Variants in CDYL observed in about 807,000 individuals in gnomAD.
CDYL encodes the protein chromodomain Y-like protein.
Under a neutral mutation model 47.3 loss-of-function variants are expected in CDYL, and 8 were observed. That is an observed-to-expected ratio of 0.17 (90% CI 0.10 to 0.31). The LOEUF (loss-of-function observed/expected upper bound fraction) is 0.31. Ranked by LOEUF, CDYL falls within the 10% of genes least tolerant of loss-of-function variation. The pLI, the probability that CDYL is intolerant of heterozygous loss-of-function variation, is 1.00. For synonymous variants in CDYL, 266 were observed against 265.0 expected, an observed-to-expected ratio of 1.00 and a Z score of -0.04; for missense variants, 471 against 701.4, an observed-to-expected ratio of 0.67 and a Z score of 3.71.
At chr6:4,784,650 G>T (rs1210407073) in intron 1 of CDYL, among the ~76,000 whole-genome samples, 1 of 152,160 alleles carries the variant, frequency 6.6e-6, no homozygotes, top group African/African-American at 2.4e-5. Context: ...TGATACTTTG[G>T]TCTTACGATG....
intron 3 of CDYL, among the ~76,000 whole-genome samples, chr6:4,745,077 G>T (rs538960902): frequency 6.6e-6 from 1 of 152,232 alleles, no homozygotes; most frequent in South Asian, 2.1e-4. Context: ...CAATCCTCCT[G>T]CCTCAGCCTC....
In CDYL at chr6:4,735,674, G is replaced by C. The variant is rs191707045; in HGVS notation, c.186+830G>C. ...CCAACTACTCAGGAGGCTGAGGTGGGAGAATCACTTGAACCCAGGAGGTGG... is the reference window on the plus strand; with the variant it reads ...CCAACTACTCAGGAGGCTGAGGTGGCAGAATCACTTGAACCCAGGAGGTGG... On this transcript the variant is annotated intron_variant, in intron 3 of 8. Coordinates refer to the CDYL transcript ENST00000328908. 4.7e-3 allele frequency among the ~76,000 whole-genome samples: 714 copies of C among 152,208 alleles called. 5 individuals carry two copies. Among genetic ancestry groups the C allele is most frequent in the Non-Finnish European group, 7.3e-3 (496 of 67,998 alleles).
intron 2 of CDYL, among the ~76,000 whole-genome samples, chr6:4,722,953 G>C (rs1757399567): frequency 6.6e-6 from 1 of 152,110 alleles, no homozygotes; most frequent in African/African-American, 2.4e-5. Flanking sequence ...CCTAGCATAA[G>C]CAATCTTTGA....
intron 1 of CDYL, among the ~76,000 whole-genome samples, chr6:4,874,298 C>T (rs1003847482): frequency 6.6e-6 from 1 of 151,996 alleles, no homozygotes; most frequent in East Asian, 1.9e-4. Context: ...TTATTTACAG[C>T]TTGTCAGTTT....
chr6:4,932,878 A>G (rs542677541), intron 2 of CDYL, among the ~76,000 whole-genome samples: 5 of 152,028 alleles, frequency 3.3e-5, no homozygotes, highest in Admixed American at 3.3e-4. Context: ...GTGTGTTTTT[A>G]TTGATCGATT....
intron 1 of CDYL, among the ~76,000 whole-genome samples, chr6:4,837,979 T>C (rs747671677): frequency 6.6e-6 from 1 of 151,560 alleles, no homozygotes; most frequent in African/African-American, 2.4e-5. Flanking sequence ...GGTTTTGCCA[T>C]GTTACCCAGG....
At chr6:4,837,368 A>G (rs987101804) in intron 1 of CDYL, among the ~76,000 whole-genome samples, 1 of 152,196 alleles carries the variant, frequency 6.6e-6, no homozygotes. Context: ...TATTAAAAAA[A>G]TTTTCAAAAA....
chr6:4,935,555 A>G lies in CDYL; in HGVS notation c.732A>G (p.Thr244=), dbSNP rs376359196. ...TGGATGCATTAACAGCCAATGGGAC[A>G]ACCAACATACAGACATCTGTTACAG... The part of the protein sequence containing the change: ...PFMDALTANG[T]TNIQTSVTGV... Residue 244 remains threonine (T), a synonymous_variant, in exon 3 of 7, where the codon ACA becomes ACG. Coordinates refer to ENST00000397588, the MANE Select transcript of CDYL (RefSeq NM_004824.4). 4 of 1,614,124 alleles carry G rather than the reference A, an allele frequency of 2.5e-6. No individual in the cohort carries two copies. Among genetic ancestry groups the G allele is most frequent in the Non-Finnish European group, 3.4e-6 (4 of 1,180,052 alleles).
At chr6:4,901,296 C>A (rs1757047558) in intron 2 of CDYL, among the ~76,000 whole-genome samples, 1 of 152,112 alleles carries the variant, frequency 6.6e-6, no homozygotes, top group South Asian at 2.1e-4. Context: ...GCTGCATGTG[C>A]TACTAGGAAT....
rs1402732605 is a variant in CDYL at position 4,952,493 on chromosome 6, C to T, written c.1476+84C>T. ...GAGAGCTCACAAATTTGCAATTATTCCTAAGTCCTTTACGTTTGTCCTCAA... is the reference window on the plus strand; with the variant it reads ...GAGAGCTCACAAATTTGCAATTATTTCTAAGTCCTTTACGTTTGTCCTCAA... On this transcript the variant is annotated intron_variant, in intron 6 of 6. Transcript: ENST00000397588. The T allele has an allele frequency of 4.1e-6, 6 of 1,462,408 alleles. No homozygotes were observed. In the South Asian group the frequency reaches 8.0e-5, roughly 20 times the overall value. The allele number at this position is 1,462,408 out of a possible 1,614,324, so 90.6% of individuals were successfully genotyped here.
intron 1 of CDYL, among the ~76,000 whole-genome samples, chr6:4,855,043 A>G (rs1341616361): frequency 1.3e-5 from 2 of 152,202 alleles, no homozygotes; most frequent in African/African-American, 4.8e-5. Flanking sequence ...GAAATAGTCT[A>G]TGTCTAGACA....
rs184444010 is a variant in CDYL at position 4,908,810 on chromosome 6, G to A, written c.691+16431G>A. ...GCCCTGCAGCTTCTCACATCCCCAG[G>A]TGGAAATGCTGTGCCCCTTCATCCA... On this transcript the variant is annotated intron_variant, in intron 2 of 6. Coordinates refer to ENST00000397588, the MANE Select transcript of CDYL (RefSeq NM_004824.4). Among the ~76,000 whole-genome samples the A allele has an allele frequency of 8.3e-4, 126 of 152,242 alleles. 1 individual carries two copies. Among genetic ancestry groups the A allele is most frequent in the African/African-American group, 3.0e-3 (123 of 41,546 alleles).
intron 3 of CDYL, among the ~76,000 whole-genome samples, chr6:4,766,927 C>T (rs576309433): frequency 6.6e-6 from 1 of 151,968 alleles, no homozygotes; most frequent in African/African-American, 2.4e-5. Flanking sequence ...CACTTGAGCC[C>T]AGAAGGTTGA....
rs1268720205 is a variant in CDYL, at chr6:4,716,017, G to C, written c.103+136G>C. On this transcript the variant is annotated intron_variant, in intron 2 of 8. Coordinates refer to the CDYL transcript ENST00000328908. ...TAATCCCAGCACTTTGGGAGGCCGA[G>C]GCGGGCGGATCATGAGGTCAGGAGA... The C allele has an allele frequency of 1.6e-5, 21 of 1,333,146 alleles. No individual in the cohort carries two copies. The Admixed American group carries it at 4.9e-4, about 31-fold the overall frequency. The allele number at this position is 1,333,146 out of a possible 1,614,324, so 82.6% of individuals were successfully genotyped here.
At chr6:4,748,971 G>A (rs192493223) in intron 3 of CDYL, among the ~76,000 whole-genome samples, 239 of 152,272 alleles carry the variant, frequency 1.6e-3, no homozygotes, top group Non-Finnish European at 2.9e-3. Flanking sequence ...AAGCTCCTTC[G>A]TTTCACACAG....
intron 3 of CDYL, among the ~76,000 whole-genome samples, chr6:4,756,533 A>T (rs1758076046): frequency 6.6e-6 from 1 of 151,768 alleles, no homozygotes; most frequent in African/African-American, 2.4e-5. Context: ...CAGCAGAAGC[A>T]TATGTTGCCC....
intron 6 of CDYL, among the ~76,000 whole-genome samples, chr6:4,953,394 C>A (rs1008081277): frequency 1.1e-4 from 16 of 151,840 alleles, no homozygotes; most frequent in Non-Finnish European, 1.5e-4. Context: ...AAAAAAAAAA[C>A]CACAAATAAT....
intron 1 of CDYL, among the ~76,000 whole-genome samples, chr6:4,828,295 T>C (rs987944754): frequency 1.1e-4 from 16 of 150,066 alleles, no homozygotes; most frequent in Admixed American, 2.0e-4. Flanking sequence ...TCTTGCTCTG[T>C]TGCCCAGGCT....
chr6:4,786,561 T>A (rs1419630861), intron 1 of CDYL, among the ~76,000 whole-genome samples: 2 of 152,226 alleles, frequency 1.3e-5, no homozygotes, highest in African/African-American at 4.8e-5. Flanking sequence ...CCAATAAAGA[T>A]TAAAAATACT....
Sources: allele counts gnomAD v4.1 joint callset (sites outside exome capture counted in the v4.1 genomes callset), GRCh38; gene constraint gnomAD v4.1.1; transcripts MANE v1.5; gene names NCBI Gene and HGNC (gene_info 2026-07-23, HGNC 2026-07-21).